HSD17B12: variants seen among roughly 807,000 people sequenced by gnomAD.
The protein encoded by HSD17B12 is very-long-chain 3-oxoacyl-CoA reductase.
A neutral mutation model predicts 39.3 loss-of-function variants in HSD17B12; 32 were observed. That is an observed-to-expected ratio of 0.81 (90% CI 0.61 to 1.09). HSD17B12 has a LOEUF of 1.09. Ranked by LOEUF, HSD17B12 falls within the 50% of genes least tolerant of loss-of-function variation. The pLI is 0.00. For synonymous variants in HSD17B12, 150 were observed against 146.7 expected, an observed-to-expected ratio of 1.02 and a Z score of -0.16; for missense variants, 342 against 382.9, an observed-to-expected ratio of 0.89 and a Z score of 0.89.
chr11:43,557,860 C>T, the HSD17B12 span, among the ~76,000 whole-genome samples: 2 of 151,568 alleles, frequency 1.3e-5, no homozygotes, highest in African/African-American at 4.9e-5. Flanking sequence ...GGGGCTGGTG[C>T]TGTAACGGGG....
In HSD17B12 at chr11:43,689,213, A is replaced by G. The variant is rs141935296; in HGVS notation, c.160+8226A>G. The stretch of plus-strand genomic sequence containing the variant: ...TAATTTTTCAATTACATTTGTAAAA[A>G]CCTTAGAGTTATCTTTAAGTCTTCA... On this transcript the variant is annotated intron_variant, in intron 1 of 10. Transcript: ENST00000278353. Among the ~76,000 whole-genome samples the G allele has an allele frequency of 1.7e-3, 254 of 152,378 alleles. 5 individuals carry two copies. The East Asian group carries it at 0.034, about 20-fold the overall frequency.
At chr11:43,576,315 C>T in the HSD17B12 span, among the ~76,000 whole-genome samples, 8 of 152,288 alleles carry the variant, frequency 5.3e-5, no homozygotes, top group Non-Finnish European at 7.4e-5. Context: ...GTTTAATGCA[C>T]ATTTAATGTT....
At chr11:43,636,772 TTTAA>T in the HSD17B12 span, among the ~76,000 whole-genome samples, 1 of 152,204 alleles carries the variant, frequency 6.6e-6, no homozygotes, top group East Asian at 1.9e-4. Flanking sequence ...TGTTTGTTTG[TTTAA>T]TTTTTTCAAC....
chr11:43,747,346 G>A (rs556561297), intron 1 of HSD17B12, among the ~76,000 whole-genome samples: 8 of 152,288 alleles, frequency 5.3e-5, no homozygotes, highest in South Asian at 2.1e-4. Flanking sequence ...TTTCTTTCAC[G>A]TAAAGTGATC....
At chr11:43,606,021 G>C in the HSD17B12 span, among the ~76,000 whole-genome samples, 572 of 152,316 alleles carry the variant, frequency 3.8e-3, 1 homozygote, top group Non-Finnish European at 6.6e-3. Flanking sequence ...CTCTAATGCT[G>C]CAATATCCTA....
the HSD17B12 span, among the ~76,000 whole-genome samples, chr11:43,664,085 G>A: frequency 5.9e-5 from 9 of 152,018 alleles, no homozygotes; most frequent in Admixed American, 3.9e-4. Flanking sequence ...TCCTGATGTC[G>A]TGATCTGCCT....
intron 3 of HSD17B12, among the ~76,000 whole-genome samples, chr11:43,782,716 TATG>T (rs1184947537): frequency 6.6e-6 from 1 of 151,700 alleles, no homozygotes; most frequent in African/African-American, 2.4e-5. Context: ...CCATTGTAAT[TATG>T]ATAAGTAAAT....
the HSD17B12 span, among the ~76,000 whole-genome samples, chr11:43,607,422 C>T: frequency 6.6e-6 from 1 of 152,150 alleles, no homozygotes; most frequent in Non-Finnish European, 1.5e-5. Context: ...ACTTACTTTA[C>T]TCATACAAAA....
rs146398096 is a variant in HSD17B12, at chr11:43,696,831, C to G, written c.160+15844C>G. Among the ~76,000 whole-genome samples, 1,109 of 151,942 alleles carry G rather than the reference C, an allele frequency of 7.3e-3. 11 individuals carry two copies. The highest frequency in any genetic ancestry group is 0.026 in the African/African-American group (1,058 of 41,484). On this transcript the variant is annotated intron_variant, in intron 1 of 10. Transcript: ENST00000278353. The stretch of plus-strand genomic sequence containing the variant: ...TACACACCATGGAATACTATGCAAC[C>G]AAAAAAGGAATGAGATCATGTCCTT...
intron 1 of HSD17B12, among the ~76,000 whole-genome samples, chr11:43,714,010 A>G (rs952934191): frequency 2.0e-5 from 3 of 152,124 alleles, no homozygotes. Flanking sequence ...TTCTTTGTAG[A>G]TTCTGGACAT....
At chr11:43,703,304 C>T (rs920661369) in intron 1 of HSD17B12, among the ~76,000 whole-genome samples, 1 of 151,688 alleles carries the variant, frequency 6.6e-6, no homozygotes, top group South Asian at 2.1e-4. Context: ...ACGCCATTCT[C>T]CTGCCTCAGC....
intron 1 of HSD17B12, among the ~76,000 whole-genome samples, chr11:43,702,303 A>G (rs1011574777): frequency 1.8e-4 from 27 of 152,164 alleles, no homozygotes; most frequent in African/African-American, 4.8e-5. Flanking sequence ...TTCCTTTCCA[A>G]TTTGGATGCC....
At chr11:43,756,902 G>A (rs1950511976) in intron 3 of HSD17B12, among the ~76,000 whole-genome samples, 1 of 152,200 alleles carries the variant, frequency 6.6e-6, no homozygotes, top group Admixed American at 6.5e-5. Flanking sequence ...TTTCATGAAG[G>A]AACAGATGGT....
At chr11:43,566,383 A>G in the HSD17B12 span, among the ~76,000 whole-genome samples, 1 of 152,184 alleles carries the variant, frequency 6.6e-6, no homozygotes, top group African/African-American at 2.4e-5. Context: ...TAAGTAGGTG[A>G]ACACAGAGCC....
chr11:43,608,953 G>A, the HSD17B12 span, among the ~76,000 whole-genome samples: 1 of 151,962 alleles, frequency 6.6e-6, no homozygotes. Flanking sequence ...TTTTGAGACA[G>A]GGCCTCACTC....
intron 4 of HSD17B12, among the ~76,000 whole-genome samples, chr11:43,805,999 A>G (rs1260425589): frequency 5.3e-5 from 8 of 152,194 alleles, no homozygotes; most frequent in Admixed American, 4.6e-4. Flanking sequence ...GGATTAGTCA[A>G]ATGAAGAGAA....
At chr11:43,612,850 G>A in the HSD17B12 span, among the ~76,000 whole-genome samples, 1 of 152,196 alleles carries the variant, frequency 6.6e-6, no homozygotes, top group East Asian at 1.9e-4. Flanking sequence ...CTTAGAAGGG[G>A]TGGCATTTGC....
chr11:43,584,942 G>A, the HSD17B12 span, among the ~76,000 whole-genome samples: 1 of 152,196 alleles, frequency 6.6e-6, no homozygotes, highest in Non-Finnish European at 1.5e-5. Context: ...GGGCCTGTGT[G>A]TTCAGGAGCC....
the HSD17B12 span, among the ~76,000 whole-genome samples, chr11:43,609,562 G>A: frequency 3.6e-4 from 55 of 151,948 alleles, 1 homozygote; most frequent in Admixed American, 3.0e-3. Flanking sequence ...GGGGTGGGGG[G>A]TCTTGTTATG....
Sources: gnomAD v4.1 joint callset for allele counts (sites outside exome capture counted in the v4.1 genomes callset) on GRCh38, gnomAD v4.1.1 for gene constraint, MANE v1.5 for transcripts, NCBI Gene and HGNC (gene_info 2026-07-23, HGNC 2026-07-21) for gene names.